Variants in APLF observed in about 807,000 individuals in gnomAD.
The protein encoded by APLF is aprataxin and PNK-like factor.
APLF carries 61 observed loss-of-function variants against 55.6 expected under a neutral mutation model. The observed-to-expected ratio is 1.10, with a 90% CI of 0.89 to 1.36. The LOEUF is 1.36. Among genes scored for constraint, APLF ranks in the 40% most tolerant of loss-of-function variants. The probability of loss-of-function intolerance (pLI) is 0.00; values close to 1 mark genes in which losing one functional copy is unlikely to be tolerated. For missense variants in APLF, 611 were observed against 602.5 expected (o/e 1.01, Z -0.15); for synonymous variants, 207 against 214.8 (o/e 0.96, Z 0.32).
chr2:68,548,833 AG>A (rs71395975), intron 8 of APLF, among the ~76,000 whole-genome samples: 14,069 of 151,982 alleles, frequency 0.093, 777 homozygotes, highest in African/African-American at 0.14. Flanking sequence ...TCCATCACCT[AG>A]TTTGTGCAGC....
At chr2:68,521,214 T>C (rs1251475419) in intron 5 of APLF, among the ~76,000 whole-genome samples, 1 of 152,100 alleles carries the variant, frequency 6.6e-6, no homozygotes, top group Admixed American at 6.6e-5. Context: ...TGAGTTCATT[T>C]ATCAGTTCTA....
intron 5 of APLF, among the ~76,000 whole-genome samples, chr2:68,516,557 G>A (rs1299295521): frequency 6.6e-6 from 1 of 151,054 alleles, no homozygotes; most frequent in Non-Finnish European, 1.5e-5. Flanking sequence ...AGTGTACACT[G>A]TACCCAGTTT....
chr2:68,535,337 C>T (rs1670357013), intron 6 of APLF: 1 of 427,738 alleles, frequency 2.3e-6, no homozygotes, highest in Non-Finnish European at 4.7e-6. Context: ...ATAATGAAAA[C>T]CTCCATTTGC....
At chr2:68,488,128 G>A (rs1676240981) in intron 1 of APLF, among the ~76,000 whole-genome samples, 1 of 152,068 alleles carries the variant, frequency 6.6e-6, no homozygotes, top group African/African-American at 2.4e-5. Context: ...AAAGGAACCA[G>A]CTTTATATGC....
intron 5 of APLF, among the ~76,000 whole-genome samples, chr2:68,523,987 A>ATG (rs1669965765): frequency 1.3e-5 from 2 of 151,828 alleles, no homozygotes; most frequent in African/African-American, 4.8e-5. Context: ...TATTTTAAAT[A>ATG]TATATATTTT....
intron 2 of APLF, among the ~76,000 whole-genome samples, chr2:68,497,282 G>T (rs1255727077): frequency 6.6e-6 from 1 of 152,122 alleles, no homozygotes; most frequent in Non-Finnish European, 1.5e-5. Flanking sequence ...GTTTGGATTT[G>T]TGTCCCTGCC....
chr2:68,484,350 T>C (rs555838061), intron 1 of APLF, among the ~76,000 whole-genome samples: 1 of 152,038 alleles, frequency 6.6e-6, no homozygotes, highest in Non-Finnish European at 1.5e-5. Flanking sequence ...ACAAAAGTGG[T>C]ATAAGAATAG....
intron 1 of APLF, among the ~76,000 whole-genome samples, chr2:68,484,113 A>G (rs966060223): frequency 2.6e-5 from 4 of 152,176 alleles, no homozygotes; most frequent in Admixed American, 1.3e-4. Flanking sequence ...TGCTCATCAC[A>G]TAAGAAAATC....
chr2:68,574,707 G>T (rs1005570109), intron 9 of APLF, among the ~76,000 whole-genome samples: 3 of 152,166 alleles, frequency 2.0e-5, no homozygotes, highest in African/African-American at 7.2e-5. Flanking sequence ...AAATTCTTCC[G>T]ATTAATGTGG....
At chr2:68,571,206 G>A (rs1380209225) in intron 9 of APLF, among the ~76,000 whole-genome samples, 2 of 152,052 alleles carry the variant, frequency 1.3e-5, no homozygotes, top group African/African-American at 4.8e-5. Flanking sequence ...CCTTTGTCAG[G>A]TGAGTAGATT....
intron 3 of APLF, among the ~76,000 whole-genome samples, chr2:68,510,785 A>C (rs1677025301): frequency 6.6e-6 from 1 of 151,886 alleles, no homozygotes; most frequent in South Asian, 2.1e-4. Flanking sequence ...CTGTCCAGCA[A>C]CTGTTGAATA....
rs1232482428 is a variant in APLF, at chr2:68,579,214, T to C, written c.*1192T>C. On this transcript the variant is annotated 3_prime_UTR_variant, in exon 10 of 10. Transcript: ENST00000303795. Reference sequence around the variant, plus strand: ...TTTAAAATATATCTCCCAGTAATTATACAATATTTAATATTTACTTAAACT... The same window carrying C: ...TTTAAAATATATCTCCCAGTAATTACACAATATTTAATATTTACTTAAACT... 4 of 758,806 alleles carry C rather than the reference T, an allele frequency of 5.3e-6. No individual in the cohort carries two copies. The highest frequency in any genetic ancestry group is 6.4e-6 in the Non-Finnish European group (4 of 623,760). 47.0% of individuals were successfully genotyped at this position (758,806 alleles called of 1,614,324 possible).
chr2:68,538,778 C>G (rs1244453430), intron 7 of APLF, among the ~76,000 whole-genome samples: 2 of 150,906 alleles, frequency 1.3e-5, no homozygotes, highest in East Asian at 1.9e-4. Flanking sequence ...ATTATAATCT[C>G]TTAGTTTTAG....
chr2:68,578,397 G>T lies in APLF; in HGVS notation c.*375G>T. ...ATGGAGTACTCTGCAAGTATAACCA[G>T]GCAAAGTACATGAAAACATGCCTCT... On this transcript the variant is annotated 3_prime_UTR_variant, in exon 10 of 10. Coordinates refer to ENST00000303795, the MANE Select transcript of APLF (RefSeq NM_173545.3). The T allele has an allele frequency of 2.0e-6, 2 of 995,964 alleles. No homozygotes were observed. Among genetic ancestry groups the T allele is most frequent in the Non-Finnish European group, 2.4e-6 (2 of 836,542 alleles). 61.7% of individuals were successfully genotyped at this position (995,964 alleles called of 1,614,324 possible).
intron 1 of APLF, among the ~76,000 whole-genome samples, chr2:68,482,699 G>A (rs991072407): frequency 1.3e-5 from 2 of 152,182 alleles, no homozygotes; most frequent in African/African-American, 2.4e-5. Flanking sequence ...AGGAGTGCAG[G>A]TGTGGGACAG....
chr2:68,518,322 T>TA, intron 5 of APLF, among the ~76,000 whole-genome samples: 2 of 113,012 alleles, frequency 1.8e-5, no homozygotes, highest in Non-Finnish European at 3.3e-5. Flanking sequence ...TTTAATAATA[T>TA]ATAATATATT....
intron 8 of APLF, 39 bp downstream of exon 8, chr2:68,545,351 C>A: frequency 6.3e-7 from 1 of 1,586,024 alleles, no homozygotes; most frequent in Non-Finnish European, 8.6e-7. Context: ...CCTTTTCTTT[C>A]TTATCTCTGT....
At chr2:68,539,709 GA>G (rs553782741) in intron 7 of APLF, among the ~76,000 whole-genome samples, 337 of 152,064 alleles carry the variant, frequency 2.2e-3, no homozygotes, top group African/African-American at 7.3e-3. Flanking sequence ...TCCCATTTAT[GA>G]AAAAAATTCT....
At chr2:68,504,625 C>T (rs1321213823) in intron 3 of APLF, among the ~76,000 whole-genome samples, 9 of 147,634 alleles carry the variant, frequency 6.1e-5, no homozygotes. Context: ...AACTTTTTTC[C>T]TACAAAAAAC....
Sources: gnomAD v4.1 joint callset for allele counts (sites outside exome capture counted in the v4.1 genomes callset) on GRCh38, gnomAD v4.1.1 for gene constraint, MANE v1.5 for transcripts, NCBI Gene and HGNC (gene_info 2026-07-23, HGNC 2026-07-21) for gene names.